ERBB4: variants seen among roughly 807,000 people sequenced by gnomAD.
ERBB4 encodes erb-b2 receptor tyrosine kinase 4.
In ERBB4, 42 loss-of-function variants were observed where a neutral mutation model predicts 158.0. That is an observed-to-expected ratio of 0.27 (90% confidence interval 0.21 to 0.34). The LOEUF (loss-of-function observed/expected upper bound fraction) is 0.34, where lower values mean the gene tolerates loss of function less well. ERBB4 is among the 10% of genes least tolerant of loss of function. ERBB4 has a pLI of 1.00. For synonymous variants in ERBB4, 583 were observed against 558.7 expected (o/e 1.04, Z -0.61); for missense variants, 1,333 against 1,624.1 (o/e 0.82, Z 3.08).
intron 2 of ERBB4, among the ~76,000 whole-genome samples, chr2:212,046,701 G>A (rs2077269474): frequency 6.6e-6 from 1 of 152,116 alleles, no homozygotes; most frequent in African/African-American, 2.4e-5. Flanking sequence ...TTAAAGCCAG[G>A]AGATTTGGGG....
chr2:212,350,490 G>A (rs970518388), intron 1 of ERBB4, among the ~76,000 whole-genome samples: 11 of 152,158 alleles, frequency 7.2e-5, no homozygotes, highest in East Asian at 1.9e-4. Flanking sequence ...AAAGTTCTGC[G>A]TAAAAAATAT....
chr2:211,577,679 T>C (rs1342242365), intron 19 of ERBB4, among the ~76,000 whole-genome samples: 1 of 152,120 alleles, frequency 6.6e-6, no homozygotes, highest in Admixed American at 6.6e-5. Flanking sequence ...ATAAATATAA[T>C]TCATCACATA....
At chr2:211,819,636 C>T (rs780620212) in intron 3 of ERBB4, among the ~76,000 whole-genome samples, 1 of 151,872 alleles carries the variant, frequency 6.6e-6, no homozygotes, top group Non-Finnish European at 1.5e-5. Flanking sequence ...GGGGCACTTT[C>T]ACAAAGGTCT....
At chr2:211,743,315 T>C (rs969698482) in intron 5 of ERBB4, among the ~76,000 whole-genome samples, 2 of 152,070 alleles carry the variant, frequency 1.3e-5, no homozygotes, top group African/African-American at 4.8e-5. Context: ...AACTGTAATG[T>C]TTGGATATAT....
chr2:212,450,715 G>A (rs1240562292), intron 1 of ERBB4, among the ~76,000 whole-genome samples: 1 of 151,052 alleles, frequency 6.6e-6, no homozygotes, highest in Non-Finnish European at 1.5e-5. Context: ...ACCAGTAAAA[G>A]CATATTACTA....
chr2:211,923,183 G>A (rs567766310), intron 3 of ERBB4, among the ~76,000 whole-genome samples: 4 of 152,044 alleles, frequency 2.6e-5, no homozygotes, highest in African/African-American at 9.7e-5. Flanking sequence ...AAGACAAGAC[G>A]GCAAAGCAGA....
Position 211,375,763 on chromosome 2 carries a change from AAT to A in ERBB4, c.*7850_*7851del. ...TGAATTTCATTTATATTAAATTAAA[AAT>A]ATATTTCTGACAGATTCATGTAACA... On this transcript the variant is annotated 3_prime_UTR_variant, in exon 28 of 28. Coordinates refer to ENST00000342788, the MANE Select transcript of ERBB4 (RefSeq NM_005235.3). 4.3e-6 allele frequency: 1 copy of A among 231,048 alleles called. No homozygotes were observed. The highest frequency in any genetic ancestry group is 8.6e-6 in the Non-Finnish European group (1 of 116,378). The allele number at this position is 231,048 out of a possible 1,614,324, so 14.3% of individuals were successfully genotyped here.
chr2:212,285,454 C>T (rs2085925145), intron 1 of ERBB4, among the ~76,000 whole-genome samples: 1 of 151,722 alleles, frequency 6.6e-6, no homozygotes, highest in African/African-American at 2.4e-5. Flanking sequence ...GAGACTGTAG[C>T]CAAAATTGCT....
intron 3 of ERBB4, among the ~76,000 whole-genome samples, chr2:211,934,656 G>A (rs1224685651): frequency 3.3e-5 from 5 of 151,568 alleles, no homozygotes; most frequent in Admixed American, 1.3e-4. Flanking sequence ...AATAAAACAC[G>A]CTTCAAATAT....
intron 2 of ERBB4, among the ~76,000 whole-genome samples, chr2:211,959,524 A>C (rs1260758853): frequency 6.6e-6 from 1 of 152,084 alleles, no homozygotes; most frequent in Non-Finnish European, 1.5e-5. Context: ...CATAATTGTT[A>C]CTTAGAGAGG....
At position 211,616,568 on chromosome 2, in the gene ERBB4, T is replaced by A. The variant is rs1358564953; in HGVS notation, c.2301+2609A>T. ...TTATTCAAATACTTTTATAATGATC[T>A]ACACACATAACCAATGAGCTAAAAA... On this transcript the variant is annotated intron_variant, in intron 19 of 27. Transcript: ENST00000342788. Among the ~76,000 whole-genome samples, 4 of 152,202 alleles carry A rather than the reference T, an allele frequency of 2.6e-5. No homozygotes were observed. The East Asian group carries it at 7.7e-4, about 29-fold the overall frequency.
intron 20 of ERBB4, among the ~76,000 whole-genome samples, chr2:211,524,592 C>G (rs903922658): frequency 6.6e-6 from 1 of 152,128 alleles, no homozygotes; most frequent in African/African-American, 2.4e-5. Flanking sequence ...CTGGGGGACC[C>G]AGTACACCCT....
chr2:211,652,443 CTGTT>C (rs2071027430), intron 16 of ERBB4, among the ~76,000 whole-genome samples: 1 of 152,178 alleles, frequency 6.6e-6, no homozygotes, highest in African/African-American at 2.4e-5. Context: ...ATGATTTTGA[CTGTT>C]TGATTTGGAC....
At chr2:211,515,912 A>ATATATT (rs35696520) in intron 20 of ERBB4, among the ~76,000 whole-genome samples, 25 of 78,982 alleles carry the variant, frequency 3.2e-4, no homozygotes, top group African/African-American at 1.3e-3. Flanking sequence ...ATATATATAT[A>ATATATT]TTTTTTTTTT....
intron 1 of ERBB4, among the ~76,000 whole-genome samples, chr2:212,459,953 G>C (rs944963032): frequency 6.6e-6 from 1 of 152,144 alleles, no homozygotes; most frequent in African/African-American, 2.4e-5. Flanking sequence ...ATCTCATCTT[G>C]AATTCACATG....
At chr2:212,096,964 T>G (rs990653050) in intron 2 of ERBB4, among the ~76,000 whole-genome samples, 15 of 152,192 alleles carry the variant, frequency 9.9e-5, no homozygotes, top group Non-Finnish European at 2.2e-4. Flanking sequence ...TTCTATTAAG[T>G]TAACGGCTAA....
At chr2:211,969,904 G>A (rs2081404839) in intron 2 of ERBB4, among the ~76,000 whole-genome samples, 1 of 151,814 alleles carries the variant, frequency 6.6e-6, no homozygotes, top group Non-Finnish European at 1.5e-5. Context: ...CAGTTCTGAT[G>A]CTGGTTATTT....
chr2:212,302,537 T>C (rs1173685247), intron 1 of ERBB4, among the ~76,000 whole-genome samples: 2 of 151,486 alleles, frequency 1.3e-5, no homozygotes, highest in African/African-American at 2.4e-5. Context: ...TTACCTCATA[T>C]AATTGCAGTA....
intron 2 of ERBB4, among the ~76,000 whole-genome samples, chr2:211,994,504 T>C (rs1202504458): frequency 6.6e-6 from 1 of 152,220 alleles, no homozygotes; most frequent in African/African-American, 2.4e-5. Flanking sequence ...ACTTAAATAT[T>C]TATCTAGATT....
Sources: gnomAD v4.1 joint callset for allele counts (sites outside exome capture counted in the v4.1 genomes callset) on GRCh38, gnomAD v4.1.1 for gene constraint, MANE v1.5 for transcripts, NCBI Gene and HGNC (gene_info 2026-07-23, HGNC 2026-07-21) for gene names.